NAALADL2: variants seen among roughly 807,000 people sequenced by gnomAD.
NAALADL2 encodes N-acetylated alpha-linked acidic dipeptidase like 2.
A neutral mutation model predicts 87.2 loss-of-function variants in NAALADL2; 76 were observed. The ratio of observed to expected loss-of-function variants is 0.87; its 90% CI spans 0.72 to 1.05. The LOEUF (loss-of-function observed/expected upper bound fraction) is 1.05, where lower values mean the gene tolerates loss of function less well. NAALADL2 is among the 50% of genes least tolerant of loss of function. NAALADL2 has a pLI of 0.00. For synonymous variants in NAALADL2, 354 were observed against 331.0 expected (o/e 1.07, Z -0.75); for missense variants, 1,089 against 945.8 (o/e 1.15, Z -1.99).
chr3:175,592,311 T>C (rs13063207), intron 10 of NAALADL2, among the ~76,000 whole-genome samples: 8 of 50,310 alleles, frequency 1.6e-4, no homozygotes, highest in African/African-American at 2.8e-4. Context: ...TCTTTTCTTT[T>C]TTTTTTTTTT....
intron 1 of NAALADL2, among the ~76,000 whole-genome samples, chr3:175,000,365 G>T (rs1325177952): frequency 6.6e-6 from 1 of 152,138 alleles, no homozygotes; most frequent in Non-Finnish European, 1.5e-5. Flanking sequence ...GCAGGGGTTG[G>T]CAAACTTTTC....
At chr3:175,181,717 GTATATA>G (rs1263362568) in intron 2 of NAALADL2, among the ~76,000 whole-genome samples, 330 of 13,518 alleles carry the variant, frequency 0.024, 6 homozygotes, top group Middle Eastern at 0.062. Flanking sequence ...GTGTGTGTGT[GTATATA>G]TATGTATATA....
intron 9 of NAALADL2, among the ~76,000 whole-genome samples, chr3:175,486,182 T>A (rs1325495883): frequency 6.6e-6 from 1 of 152,132 alleles, no homozygotes; most frequent in Non-Finnish European, 1.5e-5. Flanking sequence ...TTGCAAAACA[T>A]ATAAACCTTA....
intron 3 of NAALADL2, among the ~76,000 whole-genome samples, chr3:175,252,925 C>T (rs1384923333): frequency 6.6e-6 from 1 of 152,112 alleles, no homozygotes; most frequent in Non-Finnish European, 1.5e-5. Context: ...GAGGAAGCTG[C>T]AGAAGTTTGA....
intron 3 of NAALADL2, among the ~76,000 whole-genome samples, chr3:174,754,070 T>C (rs969803152): frequency 1.3e-5 from 2 of 152,212 alleles, no homozygotes; most frequent in Admixed American, 1.3e-4. Context: ...ACCCACCCAG[T>C]CTATGGTATT....
intron 3 of NAALADL2, among the ~76,000 whole-genome samples, chr3:174,815,624 A>C (rs1227136301): frequency 6.6e-6 from 1 of 152,270 alleles, no homozygotes; most frequent in South Asian, 2.1e-4. Flanking sequence ...TTATAAGGAT[A>C]ACAGTTACAT....
intron 13 of NAALADL2, among the ~76,000 whole-genome samples, chr3:175,778,142 T>C (rs1201099842): frequency 2.0e-5 from 3 of 152,138 alleles, no homozygotes; most frequent in African/African-American, 4.8e-5. Flanking sequence ...ATATAAAATC[T>C]AAAGTTATTT....
At chr3:174,690,845 A>G (rs1728508002) in intron 2 of NAALADL2, among the ~76,000 whole-genome samples, 1 of 152,174 alleles carries the variant, frequency 6.6e-6, no homozygotes, top group Admixed American at 6.5e-5. Context: ...GCCATAATTG[A>G]TGCTCTAAAT....
chr3:175,381,726 G>C (rs1383473639), intron 5 of NAALADL2, among the ~76,000 whole-genome samples: 2 of 152,118 alleles, frequency 1.3e-5, no homozygotes, highest in African/African-American at 2.4e-5. Context: ...TGTCTTAGAA[G>C]GTAATTGATA....
chr3:175,453,377 C>T (rs1002152458), intron 6 of NAALADL2, among the ~76,000 whole-genome samples: 1 of 152,028 alleles, frequency 6.6e-6, no homozygotes, highest in Non-Finnish European at 1.5e-5. Flanking sequence ...AATATTTCTC[C>T]TTATTATTCT....
intron 11 of NAALADL2, among the ~76,000 whole-genome samples, chr3:175,663,024 A>G (rs562576475): frequency 2.6e-5 from 4 of 151,978 alleles, no homozygotes; most frequent in African/African-American, 9.6e-5. Flanking sequence ...GACCTTGCAG[A>G]CTGAATTTGG....
chr3:175,484,435 G>T (rs1292274105), intron 9 of NAALADL2, among the ~76,000 whole-genome samples: 1 of 151,966 alleles, frequency 6.6e-6, no homozygotes, highest in Non-Finnish European at 1.5e-5. Flanking sequence ...GCCACTGTAT[G>T]GATATTGTAT....
At chr3:175,514,358 C>T (rs530830492) in intron 9 of NAALADL2, among the ~76,000 whole-genome samples, 2 of 152,184 alleles carry the variant, frequency 1.3e-5, no homozygotes, top group African/African-American at 2.4e-5. Flanking sequence ...TTAACTATAA[C>T]ATAATGAAAG....
chr3:174,465,202 A>C (rs1716463547), intron 1 of NAALADL2, among the ~76,000 whole-genome samples: 1 of 152,004 alleles, frequency 6.6e-6, no homozygotes, highest in Non-Finnish European at 1.5e-5. Flanking sequence ...GTTCATTTGC[A>C]TGTGTGTGTT....
chr3:175,262,575 A>T (rs1027635851), intron 4 of NAALADL2, among the ~76,000 whole-genome samples: 2 of 147,120 alleles, frequency 1.4e-5, no homozygotes, highest in South Asian at 2.2e-4. Context: ...ATGTTGTGTG[A>T]GTGTGTGTGT....
At chr3:175,007,099 T>C (rs2108786675) in intron 1 of NAALADL2, among the ~76,000 whole-genome samples, 1 of 150,716 alleles carries the variant, frequency 6.6e-6, no homozygotes, top group African/African-American at 2.4e-5. Context: ...TCTGTGATGG[T>C]TCTTCCCTTT....
intron 2 of NAALADL2, among the ~76,000 whole-genome samples, chr3:174,687,032 T>C (rs1478282395): frequency 6.6e-6 from 1 of 152,046 alleles, no homozygotes; most frequent in Non-Finnish European, 1.5e-5. Context: ...GTCTTATGGC[T>C]TCCAATCCCA....
intron 11 of NAALADL2, among the ~76,000 whole-genome samples, chr3:175,660,641 C>A (rs917050677): frequency 1.3e-5 from 2 of 151,998 alleles, no homozygotes; most frequent in African/African-American, 4.8e-5. Flanking sequence ...TACCTGTTAA[C>A]CAATTTCTCT....
At chr3:174,716,614 T>G (rs1731214041) in intron 2 of NAALADL2, among the ~76,000 whole-genome samples, 1 of 151,922 alleles carries the variant, frequency 6.6e-6, no homozygotes. Flanking sequence ...CCTTAGGGCT[T>G]TACAAAAAAA....
Sources: gnomAD v4.1 joint callset for allele counts (sites outside exome capture counted in the v4.1 genomes callset) on GRCh38, gnomAD v4.1.1 for gene constraint, MANE v1.5 for transcripts, NCBI Gene and HGNC (gene_info 2026-07-23, HGNC 2026-07-21) for gene names.